Variants in PRDM2 observed in about 807,000 individuals in gnomAD.
PRDM2 encodes PR/SET domain 2, also known as PR domain zinc finger protein 2.
PRDM2 carries 30 observed loss-of-function variants against 130.0 expected under a neutral mutation model. That is an observed-to-expected ratio of 0.23 (90% CI 0.17 to 0.31). The LOEUF is 0.31. Among genes scored for constraint, PRDM2 ranks in the 10% least tolerant of loss-of-function variants. The pLI, the probability that PRDM2 is intolerant of heterozygous loss-of-function variation, is 1.00. For missense variants in PRDM2, 2,011 were observed against 2,108.4 expected (o/e 0.95, Z 0.90); for synonymous variants, 871 against 782.4 (o/e 1.11, Z -1.89).
chr1:13,779,907 A>C lies in PRDM2; in HGVS notation c.2112A>C (p.Ala704=). Residue 704 remains alanine, a synonymous_variant, in exon 8 of 10, where the codon GCA becomes GCC. Coordinates refer to ENST00000311066, the MANE Select transcript of PRDM2 (RefSeq NM_001393986.1). The surrounding 1 kb of genome is among the most constrained non-coding windows in gnomAD (Gnocchi z 4.9). ...AAACCCAAGATAAACTAACTCCTGC[A>C]GGGATTTCAGCAACTGAAATAGCTA... ...LLQTQDKLTP[A]GISATEIAKL... is the part of the protein sequence containing the mutation. 1 of 1,538,780 alleles carries C rather than the reference A, an allele frequency of 6.5e-7. No individual in the cohort carries two copies. Among genetic ancestry groups the C allele is most frequent in the Non-Finnish European group, 8.9e-7 (1 of 1,127,814 alleles).
At chr1:13,701,428 G>C (rs1642070983) in intron 1 of PRDM2, among the ~76,000 whole-genome samples, 1 of 152,110 alleles carries the variant, frequency 6.6e-6, no homozygotes, top group Admixed American at 6.5e-5. Flanking sequence ...GGTTTGATCA[G>C]TTGTGTCCAA....
At chr1:13,713,979 C>T (rs1569694348) in intron 1 of PRDM2, among the ~76,000 whole-genome samples, 1 of 152,302 alleles carries the variant, frequency 6.6e-6, no homozygotes, top group Admixed American at 6.5e-5. Context: ...CGCCATTCTC[C>T]TGCCTCAGCC....
intron 8 of PRDM2, among the ~76,000 whole-genome samples, chr1:13,810,984 G>A (rs1645163802): frequency 6.6e-6 from 1 of 150,380 alleles, no homozygotes. Flanking sequence ...GAGGAGTTGA[G>A]ACCAGCCTGG....
chr1:13,799,961 A>G (rs780879644), intron 8 of PRDM2, among the ~76,000 whole-genome samples: 10 of 152,368 alleles, frequency 6.6e-5, no homozygotes, highest in East Asian at 3.9e-4. Flanking sequence ...GATTCCCCTT[A>G]TAAGTGTCTT....
At chr1:13,769,890 C>T (rs138236485) in intron 6 of PRDM2, among the ~76,000 whole-genome samples, 91 of 152,252 alleles carry the variant, frequency 6.0e-4, no homozygotes, top group African/African-American at 2.0e-3. Context: ...CCCCAGGGGA[C>T]ATCTGGCCAT....
At position 13,732,818 on chromosome 1, in the gene PRDM2, T is replaced by C; in HGVS notation, c.167T>C (p.Phe56Ser). Residue 56 changes from phenylalanine (F) to serine (S), a missense_variant, in exon 4 of 10, where the codon TTT becomes TCT. By Grantham distance (155) the Phe-to-Ser change is radical. Coordinates refer to ENST00000311066, the MANE Select transcript of PRDM2 (RefSeq NM_001393986.1). ...ATKPILKGKK[F>S]GPFVGDKKKR... Reference sequence around the variant, plus strand: ...AAACCAATTTTAAAAGGCAAAAAATTTGGGCCATTTGTTGGTGATAAGAAA... The same window carrying C: ...AAACCAATTTTAAAAGGCAAAAAATCTGGGCCATTTGTTGGTGATAAGAAA... 1 of 1,609,200 alleles carries C rather than the reference T, an allele frequency of 6.2e-7. No homozygotes were observed. Among genetic ancestry groups the C allele is most frequent in the East Asian group, 2.2e-5 (1 of 44,520 alleles).
chr1:13,800,783 C>T (rs1644994529), intron 8 of PRDM2, among the ~76,000 whole-genome samples: 1 of 152,128 alleles, frequency 6.6e-6, no homozygotes, highest in Non-Finnish European at 1.5e-5. Context: ...GGCCGGCTCT[C>T]ACTGAAGGAG....
chr1:13,700,386 G>T, intron 1 of PRDM2, 86 bp downstream of exon 1: 1 of 149,916 alleles, frequency 6.7e-6, no homozygotes, highest in South Asian at 1.8e-4. Flanking sequence ...CGACGGCGGC[G>T]GCGACACGCT....
chr1:13,797,750 G>T (rs931504658), intron 8 of PRDM2, among the ~76,000 whole-genome samples: 2 of 152,132 alleles, frequency 1.3e-5, no homozygotes, highest in African/African-American at 2.4e-5. Context: ...GTGATTAAAA[G>T]TTTCAGACCT....
chr1:13,782,448 C>T lies in PRDM2; in HGVS notation c.4653C>T (p.Phe1551=), dbSNP rs760862663. The change falls in exon 8 of 10, where the codon TTC becomes TTT. Residue 1551 remains phenylalanine, a synonymous_variant. Coordinates refer to ENST00000311066, the MANE Select transcript of PRDM2 (RefSeq NM_001393986.1). ...PTQVPLPSSS[F]RSKQNVKFAA... Reference sequence around the variant, plus strand: ...AAGTCCCACTTCCCTCCTCATCCTTCAGGTCCAAGCAGAACGTCAAGTTTG... The same window carrying T: ...AAGTCCCACTTCCCTCCTCATCCTTTAGGTCCAAGCAGAACGTCAAGTTTG... 5.6e-6 allele frequency: 9 copies of T among 1,613,958 alleles called. No homozygotes were observed. The highest frequency in any genetic ancestry group is 1.7e-5 in the Admixed American group (1 of 59,998).
chr1:13,728,760 C>A (rs1643007408), intron 2 of PRDM2, among the ~76,000 whole-genome samples: 1 of 151,954 alleles, frequency 6.6e-6, no homozygotes, highest in Non-Finnish European at 1.5e-5. Flanking sequence ...TAAACAAATA[C>A]ATAGGATTTT....
chr1:13,777,119 A>C (rs888294427), intron 7 of PRDM2, among the ~76,000 whole-genome samples: 1 of 152,016 alleles, frequency 6.6e-6, no homozygotes, highest in Non-Finnish European at 1.5e-5. Flanking sequence ...TGGTCTTCCA[A>C]CGTTTTATTA....
intron 1 of PRDM2, chr1:13,705,326 T>C (rs1388973107): frequency 6.6e-6 from 1 of 152,200 alleles, no homozygotes; most frequent in Non-Finnish European, 1.5e-5. Context: ...TTTTCTTAGA[T>C]ATTTCTCCTA....
In PRDM2 at chr1:13,781,896, G is replaced by T; in HGVS notation, c.4101G>T (p.Lys1367Asn). 6.2e-7 allele frequency: 1 copy of T among 1,614,154 alleles called. No homozygotes were observed. Residue 1367 changes from lysine (K) to asparagine (N), a missense_variant, in exon 8 of 10, where the codon AAG becomes AAT. Physicochemically the swap from Lys to Asn is moderately conservative, Grantham distance 94. Coordinates refer to ENST00000311066, the MANE Select transcript of PRDM2 (RefSeq NM_001393986.1). The surrounding 1 kb of genome is among the most constrained non-coding windows in gnomAD (Gnocchi z 6.1). The stretch of plus-strand genomic sequence containing the variant: ...GTGACAAGAAGAGGTACACGCCTAA[G>T]AAAAACCCAGTACCATTAAAACAAA... ...SASDKKRYTP[K>N]KNPVPLKQTV...
intron 8 of PRDM2, among the ~76,000 whole-genome samples, chr1:13,802,455 A>G (rs1015886519): frequency 6.6e-6 from 1 of 152,204 alleles, no homozygotes; most frequent in Admixed American, 6.5e-5. Context: ...CGGGTCGTCC[A>G]GTGTGGGCAT....
At position 13,779,388 on chromosome 1, in the gene PRDM2, C is replaced by T. The variant is rs1183674938; in HGVS notation, c.1593C>T (p.Ala531=). Residue 531 remains alanine, a synonymous_variant, in exon 8 of 10, where the codon GCC becomes GCT. Coordinates refer to ENST00000311066, the MANE Select transcript of PRDM2 (RefSeq NM_001393986.1). The surrounding 1 kb of genome is among the most constrained non-coding windows in gnomAD (Gnocchi z 4.9). ...LEEPQPPAEQ[A]QATQNVYVPS... is the part of the protein sequence containing the mutation. ...AGCCCCAGCCTCCAGCAGAACAGGC[C>T]CAGGCCACCCAGAACGTGTATGTAC... 12 of 1,614,018 alleles carry T rather than the reference C, an allele frequency of 7.4e-6. 1 individual carries two copies. The highest frequency in any genetic ancestry group is 1.0e-5 in the Non-Finnish European group (12 of 1,180,008).
chr1:13,759,110 C>T (rs1368826534), intron 6 of PRDM2, among the ~76,000 whole-genome samples: 3 of 151,288 alleles, frequency 2.0e-5, no homozygotes, highest in Non-Finnish European at 2.9e-5. Flanking sequence ...AAAGGATTGG[C>T]CGGTTAAAAA....
intron 9 of PRDM2, among the ~76,000 whole-genome samples, chr1:13,822,768 G>A (rs765109549): frequency 7.6e-4 from 116 of 152,238 alleles, no homozygotes; most frequent in Non-Finnish European, 9.9e-4. Context: ...AGAATGGGTG[G>A]CTCTCACAAA....
intron 8 of PRDM2, among the ~76,000 whole-genome samples, chr1:13,800,063 CCATTCATTCATT>C (rs534865432): frequency 2.6e-5 from 4 of 151,868 alleles, no homozygotes; most frequent in African/African-American, 4.8e-5. Flanking sequence ...CAGATCTTGG[CCATTCATTCATT>C]CATTCATTCA....
Sources: allele counts gnomAD v4.1 joint callset (sites outside exome capture counted in the v4.1 genomes callset), GRCh38; gene constraint gnomAD v4.1.1; non-coding constraint Gnocchi (gnomAD v3.1); transcripts MANE v1.5; gene names NCBI Gene and HGNC (gene_info 2026-07-23, HGNC 2026-07-21).